Variants in SPECC1 observed in about 807,000 individuals in gnomAD.
SPECC1 encodes the protein sperm antigen with calponin homology and coiled-coil domains 1, also known as cytospin-B.
Under a neutral mutation model 104.1 loss-of-function variants are expected in SPECC1, and 62 were observed. That is an observed-to-expected ratio of 0.60 (90% confidence interval 0.49 to 0.74). The LOEUF (loss-of-function observed/expected upper bound fraction) is 0.74. SPECC1 is among the 30% of genes least tolerant of loss of function. SPECC1 has a pLI of 0.00. For missense variants in SPECC1, 1,306 were observed against 1,310.5 expected (o/e 1.00, Z 0.05); for synonymous variants, 513 against 501.6 (o/e 1.02, Z -0.30).
intron 1 of SPECC1, among the ~76,000 whole-genome samples, chr17:20,021,905 T>C (rs2044404641): frequency 6.8e-6 from 1 of 147,990 alleles, no homozygotes; most frequent in South Asian, 2.1e-4. Context: ...GTCTCTCTCT[T>C]TTTATTTATT....
intron 3 of SPECC1, among the ~76,000 whole-genome samples, chr17:20,126,947 A>G (rs914453319): frequency 3.5e-4 from 53 of 152,318 alleles, no homozygotes; most frequent in African/African-American, 1.2e-3. Context: ...AGTCTCCTCC[A>G]GGAAATTAAA....
At chr17:20,262,857 C>A (rs1026338649) in intron 12 of SPECC1, among the ~76,000 whole-genome samples, 1 of 152,062 alleles carries the variant, frequency 6.6e-6, no homozygotes, top group Non-Finnish European at 1.5e-5. Context: ...TTGCCATTAC[C>A]TTCTTTTCAC....
chr17:20,310,566 G>C (rs969684636), intron 14 of SPECC1, among the ~76,000 whole-genome samples: 1 of 152,236 alleles, frequency 6.6e-6, no homozygotes, highest in African/African-American at 2.4e-5. Context: ...CCCCAGAAAA[G>C]GAATTAGGCG....
chr17:20,188,879 G>A (rs937235801), intron 3 of SPECC1, among the ~76,000 whole-genome samples: 17 of 152,234 alleles, frequency 1.1e-4, no homozygotes, highest in South Asian at 1.0e-3. Flanking sequence ...GATATTAATA[G>A]AAATAAACAG....
At chr17:20,297,563 T>A (rs1290871166) in intron 13 of SPECC1, among the ~76,000 whole-genome samples, 2 of 152,236 alleles carry the variant, frequency 1.3e-5, no homozygotes, top group Non-Finnish European at 2.9e-5. Flanking sequence ...TGGCAAATTT[T>A]CCCTGTTAAG....
Position 20,093,295 on chromosome 17 carries a change from G to A in SPECC1, c.-21-3336G>A, listed in dbSNP as rs185750200. On this transcript the variant is annotated intron_variant, in intron 1 of 14. Transcript: ENST00000395527. ...TGGAAGGGGCAAACAAGCTCCCTCA[G>A]GCACTAATTACATTGATGAGGGCTC... is the stretch of plus-strand genomic sequence containing the variant. Among the ~76,000 whole-genome samples the A allele has an allele frequency of 1.8e-4, 28 of 152,298 alleles. No homozygotes were observed. In the East Asian group the frequency reaches 5.4e-3, roughly 29 times the overall value.
intron 4 of SPECC1, among the ~76,000 whole-genome samples, chr17:20,225,704 T>C (rs1467836816): frequency 1.3e-5 from 2 of 152,194 alleles, no homozygotes; most frequent in East Asian, 1.9e-4. Context: ...TTCCTTGATA[T>C]GATGTGTTAA....
intron 7 of SPECC1, among the ~76,000 whole-genome samples, chr17:20,236,440 C>G (rs374622631): frequency 6.6e-6 from 1 of 152,140 alleles, no homozygotes. Context: ...CAGATTTCAA[C>G]AATGTGGACA....
intron 3 of SPECC1, among the ~76,000 whole-genome samples, chr17:20,143,740 C>T (rs552648225): frequency 9.2e-5 from 14 of 152,222 alleles, no homozygotes; most frequent in African/African-American, 3.1e-4. Context: ...GTGGTACCTT[C>T]GTAACGACAA....
At chr17:20,218,917 G>T (rs1490982300) in intron 4 of SPECC1, among the ~76,000 whole-genome samples, 1 of 152,036 alleles carries the variant, frequency 6.6e-6, no homozygotes, top group African/African-American at 2.4e-5. Flanking sequence ...ATCTTTCTAT[G>T]TCTGGCTTAT....
intron 4 of SPECC1, among the ~76,000 whole-genome samples, chr17:20,223,863 C>G (rs1046117798): frequency 6.6e-6 from 1 of 152,142 alleles, no homozygotes; most frequent in Non-Finnish European, 1.5e-5. Flanking sequence ...TTGATGAGGT[C>G]ATGTTTTACT....
At chr17:20,167,353 T>C (rs2033740726) in intron 3 of SPECC1, among the ~76,000 whole-genome samples, 1 of 151,558 alleles carries the variant, frequency 6.6e-6, no homozygotes, top group Non-Finnish European at 1.5e-5. Context: ...GACAGAAAAA[T>C]ATTCTTGGAA....
chr17:20,201,644 C>G (rs2036442211), intron 3 of SPECC1, among the ~76,000 whole-genome samples: 2 of 152,134 alleles, frequency 1.3e-5, no homozygotes, highest in Admixed American at 6.5e-5. Flanking sequence ...ACGGTCCTTG[C>G]TGCAATGACT....
chr17:20,072,440 G>A (rs1187411634), intron 1 of SPECC1, among the ~76,000 whole-genome samples: 1 of 152,204 alleles, frequency 6.6e-6, no homozygotes, highest in Non-Finnish European at 1.5e-5. Flanking sequence ...AGATGAGTTA[G>A]GACCCTGTAT....
chr17:20,122,405 A>G lies in SPECC1; in HGVS notation c.283+11843A>G, dbSNP rs530409824. Among the ~76,000 whole-genome samples the G allele has an allele frequency of 3.9e-5, 6 of 152,308 alleles. No individual in the cohort carries two copies. In the South Asian group the frequency reaches 8.3e-4, roughly 21 times the overall value. On this transcript the variant is annotated intron_variant, in intron 3 of 14. Coordinates refer to ENST00000395527, the MANE Select transcript of SPECC1 (RefSeq NM_001243439.2). The stretch of plus-strand genomic sequence containing the variant: ...AGTGACCTGGGCTGGGCTGGCAGCC[A>G]TGGCACCGGGGAACAGCAGCTGCGT...
chr17:20,299,555 C>CAAA (rs57493380), intron 13 of SPECC1, among the ~76,000 whole-genome samples: 1,032 of 40,250 alleles, frequency 0.026, 81 homozygotes, highest in African/African-American at 0.076. Context: ...GACCCTGTCT[C>CAAA]AAAAAAAAAA....
intron 2 of SPECC1, among the ~76,000 whole-genome samples, chr17:20,101,324 T>A (rs370556071): frequency 6.6e-6 from 1 of 152,156 alleles, no homozygotes; most frequent in Non-Finnish European, 1.5e-5. Context: ...CTCACCAGCA[T>A]CTGTTGTTTC....
At chr17:20,032,936 G>GCACACACA (rs149393057) in intron 1 of SPECC1, among the ~76,000 whole-genome samples, 3 of 147,672 alleles carry the variant, frequency 2.0e-5, no homozygotes, top group African/African-American at 7.5e-5. Flanking sequence ...ACACACGCGC[G>GCACACACA]CACACACACA....
intron 2 of SPECC1, among the ~76,000 whole-genome samples, chr17:20,108,724 GGTT>G (rs775608874): frequency 1.3e-5 from 2 of 152,240 alleles, no homozygotes; most frequent in East Asian, 1.9e-4. Context: ...AGGACATTTG[GGTT>G]GTTCTAGTTT....
Sources: allele counts gnomAD v4.1 joint callset (sites outside exome capture counted in the v4.1 genomes callset), GRCh38; gene constraint gnomAD v4.1.1; transcripts MANE v1.5; gene names NCBI Gene and HGNC (gene_info 2026-07-23, HGNC 2026-07-21).